The following RPS6KC1 variants were observed in gnomAD, a reference collection of about 807,000 sequenced individuals.
RPS6KC1 encodes the protein ribosomal protein S6 kinase C1.
A neutral mutation model predicts 103.8 loss-of-function variants in RPS6KC1; 54 were observed. The ratio of observed to expected loss-of-function variants is 0.52; its 90% CI spans 0.42 to 0.65. RPS6KC1 has a LOEUF of 0.65. Among genes scored for constraint, RPS6KC1 ranks in the 30% least tolerant of loss-of-function variants. The pLI is 0.00. For missense variants in RPS6KC1, 1,151 were observed against 1,253.8 expected (o/e 0.92, Z 1.24); for synonymous variants, 439 against 438.7 (o/e 1.00, Z -0.01).
At chr1:213,700,198 A>C in the RPS6KC1 span, among the ~76,000 whole-genome samples, 1 of 152,058 alleles carries the variant, frequency 6.6e-6, no homozygotes, top group Non-Finnish European at 1.5e-5. Flanking sequence ...GATTTAAGTC[A>C]TTCGTTCATT....
the RPS6KC1 span, among the ~76,000 whole-genome samples, chr1:213,566,437 G>GTTTTTT: frequency 2.1e-5 from 1 of 48,522 alleles, no homozygotes; most frequent in Non-Finnish European, 3.7e-5. Context: ...TCAGCCTTTA[G>GTTTTTT]TTTTTTTTTT....
the RPS6KC1 span, among the ~76,000 whole-genome samples, chr1:213,441,582 G>A: frequency 6.6e-5 from 10 of 152,218 alleles, no homozygotes; most frequent in South Asian, 2.1e-4. Flanking sequence ...TGCTTCATCC[G>A]TCTGTTGATG....
At chr1:213,726,749 A>G in the RPS6KC1 span, among the ~76,000 whole-genome samples, 48 of 152,294 alleles carry the variant, frequency 3.2e-4, no homozygotes, top group East Asian at 7.9e-3. Context: ...GTCTTAGTAA[A>G]TGATATTTTT....
chr1:213,537,300 A>G, the RPS6KC1 span, among the ~76,000 whole-genome samples: 1 of 152,088 alleles, frequency 6.6e-6, no homozygotes, highest in Non-Finnish European at 1.5e-5. Flanking sequence ...TACAGGGCCA[A>G]TCCATTCTAA....
intron 8 of RPS6KC1, among the ~76,000 whole-genome samples, chr1:213,194,755 T>A (rs1049912067): frequency 2.0e-5 from 3 of 152,200 alleles, no homozygotes; most frequent in Admixed American, 2.0e-4. Context: ...TGCCTGATAA[T>A]CTGAGGTAGA....
At chr1:213,158,059 T>C (rs188632017) in intron 6 of RPS6KC1, among the ~76,000 whole-genome samples, 16 of 152,312 alleles carry the variant, frequency 1.1e-4, no homozygotes, top group African/African-American at 3.6e-4. Context: ...TGAATCAATG[T>C]ATATCTTCTA....
the RPS6KC1 span, among the ~76,000 whole-genome samples, chr1:213,283,261 G>A: frequency 1.1e-4 from 17 of 152,306 alleles, no homozygotes; most frequent in Non-Finnish European, 2.1e-4. Flanking sequence ...TAAAAGATGT[G>A]CTGCTGCTCC....
the RPS6KC1 span, among the ~76,000 whole-genome samples, chr1:213,728,941 T>TG: frequency 2.1e-5 from 2 of 97,078 alleles, no homozygotes; most frequent in African/African-American, 1.2e-4. Context: ...ATGAGGGTTT[T>TG]TTTTTTGTTT....
the RPS6KC1 span, among the ~76,000 whole-genome samples, chr1:213,655,167 C>G: frequency 1.3e-5 from 2 of 151,850 alleles, no homozygotes; most frequent in Non-Finnish European, 2.9e-5. Flanking sequence ...CTCAGCCTCT[C>G]GAGTAGCTGG....
At position 213,262,704 on chromosome 1, in the gene RPS6KC1, C is replaced by T; in HGVS notation, c.2995-17C>T. 2 of 1,483,118 alleles carry T rather than the reference C, an allele frequency of 1.3e-6. No homozygotes were observed. Among genetic ancestry groups the T allele is most frequent in the Non-Finnish European group, 1.9e-6 (2 of 1,060,516 alleles). 91.9% of individuals were successfully genotyped at this position (1,483,118 alleles called of 1,614,324 possible). A position where few individuals can be genotyped will look rare whatever the true frequency, so the allele number is the denominator to read the frequency against. Reference sequence around the variant, plus strand: ...ATGTTATTTGGGATAAGAAGTGTACCTGATTGATTGTTTCAGACTCTGGTT... The same window carrying T: ...ATGTTATTTGGGATAAGAAGTGTACTTGATTGATTGTTTCAGACTCTGGTT... On this transcript the variant is annotated splice_polypyrimidine_tract_variant and intron_variant, in intron 13 of 14. Coordinates refer to ENST00000366960, the MANE Select transcript of RPS6KC1 (RefSeq NM_012424.6).
chr1:213,840,936 G>A, the RPS6KC1 span: 1 of 152,152 alleles, frequency 6.6e-6, no homozygotes, highest in Non-Finnish European at 1.5e-5. Context: ...TTCCCATTGA[G>A]AGAAAACTTT....
intron 8 of RPS6KC1, among the ~76,000 whole-genome samples, chr1:213,205,567 T>TATATATATATATATATA (rs57191154): frequency 2.5e-3 from 345 of 138,360 alleles, no homozygotes; most frequent in Middle Eastern, 3.8e-3. Context: ...TATATATATA[T>TATATATATATATATATA]TTCAAAAGAA....
the RPS6KC1 span, among the ~76,000 whole-genome samples, chr1:213,300,728 AGCCAGTCTCCTTAG>A: frequency 6.6e-6 from 1 of 152,224 alleles, no homozygotes; most frequent in African/African-American, 2.4e-5. Flanking sequence ...GAGAAGGCTC[AGCCAGTCTCCTTAG>A]GATATATAAA....
the RPS6KC1 span, chr1:213,835,711 T>C: frequency 4.6e-5 from 7 of 152,332 alleles, no homozygotes; most frequent in East Asian, 1.4e-3. Flanking sequence ...TATTTTCACA[T>C]AGATATTCTC....
At chr1:213,675,903 A>G in the RPS6KC1 span, among the ~76,000 whole-genome samples, 1 of 152,046 alleles carries the variant, frequency 6.6e-6, no homozygotes, top group Admixed American at 6.5e-5. Context: ...AAAAGTATAC[A>G]TCTAATATCA....
the RPS6KC1 span, among the ~76,000 whole-genome samples, chr1:213,318,514 T>C: frequency 6.6e-6 from 1 of 152,244 alleles, no homozygotes; most frequent in Non-Finnish European, 1.5e-5. Flanking sequence ...ATTCCACAAA[T>C]ATTTGTTGAG....
chr1:213,086,423 A>G (rs990935834), intron 3 of RPS6KC1, among the ~76,000 whole-genome samples: 2 of 152,220 alleles, frequency 1.3e-5, no homozygotes, highest in African/African-American at 4.8e-5. Flanking sequence ...TAGAACAGCT[A>G]TGTCAGGGAC....
chr1:213,857,655 C>G, the RPS6KC1 span, among the ~76,000 whole-genome samples: 1 of 152,342 alleles, frequency 6.6e-6, no homozygotes, highest in East Asian at 1.9e-4. Flanking sequence ...TGTCTTGACA[C>G]TGTTCTGGGC....
chr1:213,331,594 C>G, the RPS6KC1 span, among the ~76,000 whole-genome samples: 1 of 152,192 alleles, frequency 6.6e-6, no homozygotes, highest in East Asian at 1.9e-4. Flanking sequence ...CACCTGCGTC[C>G]TGTGCACTGC....
Sources: allele counts gnomAD v4.1 joint callset (sites outside exome capture counted in the v4.1 genomes callset), GRCh38; gene constraint gnomAD v4.1.1; transcripts MANE v1.5; gene names NCBI Gene and HGNC (gene_info 2026-07-23, HGNC 2026-07-21).